The following DOCK4 variants were observed in gnomAD, a reference collection of about 807,000 sequenced individuals.
DOCK4 encodes the protein dedicator of cytokinesis 4.
A neutral mutation model predicts 268.1 loss-of-function variants in DOCK4; 97 were observed. That is an observed-to-expected ratio of 0.36 (90% CI 0.31 to 0.43). The LOEUF (loss-of-function observed/expected upper bound fraction) is 0.43, where lower values mean the gene tolerates loss of function less well. DOCK4 is among the 20% of genes least tolerant of loss of function. DOCK4 has a pLI of 1.00. For missense variants in DOCK4, 2,145 were observed against 2,455.7 expected, an observed-to-expected ratio of 0.87 and a Z score of 2.67; for synonymous variants, 954 against 887.2, an observed-to-expected ratio of 1.08 and a Z score of -1.34.
In DOCK4 at chr7:112,206,029, G is replaced by T. The variant is rs1024630955; in HGVS notation, c.37+73C>A. The T allele has an allele frequency of 2.3e-5, 34 of 1,497,710 alleles. 1 individual carries two copies. The highest frequency in any genetic ancestry group is 3.4e-4 in the Middle Eastern group (2 of 5,896). 92.8% of individuals were successfully genotyped at this position (1,497,710 alleles called of 1,614,324 possible). The stretch of plus-strand genomic sequence containing the variant: ...TTCAACCGGGCGGAGCGAGAGGGGC[G>T]CGGGGGCAAGGACGAGAAATGCGCA... On this transcript the variant is annotated intron_variant, in intron 1 of 52. Transcript: ENST00000428084.
intron 25 of DOCK4, among the ~76,000 whole-genome samples, chr7:111,844,148 A>G (rs1803907661): frequency 6.6e-6 from 1 of 152,126 alleles, no homozygotes; most frequent in Admixed American, 6.6e-5. Context: ...GGTGGCGGGC[A>G]TCTGTAATCC....
intron 17 of DOCK4, among the ~76,000 whole-genome samples, chr7:111,874,976 A>G (rs1272618841): frequency 6.6e-6 from 1 of 152,222 alleles, no homozygotes; most frequent in Non-Finnish European, 1.5e-5. Flanking sequence ...CGTCAAGAAA[A>G]ATGAATACAT....
intron 12 of DOCK4, among the ~76,000 whole-genome samples, chr7:111,925,517 G>A (rs1209039618): frequency 6.6e-6 from 1 of 152,198 alleles, no homozygotes; most frequent in Non-Finnish European, 1.5e-5. Context: ...GTGTACAAAT[G>A]AGCCAGGTTA....
In DOCK4 at chr7:111,935,487, A is replaced by C. The variant is rs778978766; in HGVS notation, c.1066+53T>G. On this transcript the variant is annotated intron_variant, in intron 12 of 52. Coordinates refer to ENST00000428084, the MANE Select transcript of DOCK4 (RefSeq NM_001363540.2). ...TTCCTTCCCAAACAGACAAACAAAA[A>C]AAAGGGCTTGGAACGAAAAGTGTAG... is the stretch of plus-strand genomic sequence containing the variant. The C allele has an allele frequency of 2.1e-5, 32 of 1,526,192 alleles. 1 individual carries two copies. The South Asian group carries it at 3.6e-4, about 17-fold the overall frequency. 94.5% of individuals were successfully genotyped at this position (1,526,192 alleles called of 1,614,324 possible).
rs1172905886 is a variant in DOCK4 at position 111,878,762 on chromosome 7, AG to A, written c.1588-1577del. Among the ~76,000 whole-genome samples, 3 of 152,166 alleles carry A rather than the reference AG, an allele frequency of 2.0e-5. No homozygotes were observed. In the East Asian group the frequency reaches 5.8e-4, roughly 29 times the overall value. On this transcript the variant is annotated intron_variant, in intron 16 of 52. Coordinates refer to ENST00000428084, the MANE Select transcript of DOCK4 (RefSeq NM_001363540.2). ...CTGGGCTCACAGTGGCCATGCAAGG[AG>A]GGAGCATTGAGACCAGCCCTAGCCA...
intron 8 of DOCK4, among the ~76,000 whole-genome samples, chr7:111,954,473 A>G (rs972670148): frequency 6.6e-6 from 1 of 152,194 alleles, no homozygotes; most frequent in African/African-American, 2.4e-5. Context: ...CTTCTAATTC[A>G]GTGGTTCCCA....
intron 24 of DOCK4, among the ~76,000 whole-genome samples, chr7:111,846,293 A>T (rs1804095062): frequency 6.6e-6 from 1 of 152,226 alleles, no homozygotes. Context: ...CAAAATGGTT[A>T]ACAGTTGCAT....
Position 111,818,506 on chromosome 7 carries a change from C to A in DOCK4, c.2930+3856G>T, listed in dbSNP as rs564794572. Among the ~76,000 whole-genome samples, 7 of 152,328 alleles carry A rather than the reference C, an allele frequency of 4.6e-5. No individual in the cohort carries two copies. In the South Asian group the frequency reaches 1.2e-3, roughly 27 times the overall value. ...TTCCGTTACTTTTCTTCTCTCCCAC[C>A]CACACCCAGTCACTTGCAAGTCTTA... On this transcript the variant is annotated intron_variant, in intron 27 of 52. Transcript: ENST00000428084.
intron 1 of DOCK4, among the ~76,000 whole-genome samples, chr7:112,107,388 A>C (rs1811228742): frequency 6.6e-6 from 1 of 152,230 alleles, no homozygotes. Flanking sequence ...AGGAAAAGAC[A>C]CTAGGGAGGA....
intron 1 of DOCK4, among the ~76,000 whole-genome samples, chr7:112,039,893 T>G (rs1804202717): frequency 6.6e-6 from 1 of 152,154 alleles, no homozygotes; most frequent in Non-Finnish European, 1.5e-5. Flanking sequence ...ACCTCTATAC[T>G]CGTGCTTGGC....
chr7:111,836,757 G>A (rs796794594), intron 25 of DOCK4, among the ~76,000 whole-genome samples: 1 of 152,048 alleles, frequency 6.6e-6, no homozygotes. Context: ...TGAATGGGTC[G>A]AGTGGCAGAT....
intron 12 of DOCK4, among the ~76,000 whole-genome samples, chr7:111,922,376 G>T (rs895127657): frequency 6.6e-6 from 1 of 151,708 alleles, no homozygotes; most frequent in Admixed American, 6.6e-5. Flanking sequence ...TTCTTTAAAT[G>T]TGTAACATAA....
chr7:111,831,389 C>T (rs1208150175), intron 26 of DOCK4, among the ~76,000 whole-genome samples: 1 of 152,186 alleles, frequency 6.6e-6, no homozygotes, highest in East Asian at 1.9e-4. Flanking sequence ...CTTCAAGCCA[C>T]AGTCATTTCT....
At chr7:111,885,153 G>T (rs1807729068) in intron 16 of DOCK4, among the ~76,000 whole-genome samples, 1 of 152,214 alleles carries the variant, frequency 6.6e-6, no homozygotes, top group Non-Finnish European at 1.5e-5. Flanking sequence ...AATATTAAGT[G>T]CAACAGAATA....
At chr7:111,761,287 T>A (rs1797389456) in intron 39 of DOCK4, among the ~76,000 whole-genome samples, 1 of 152,210 alleles carries the variant, frequency 6.6e-6, no homozygotes, top group African/African-American at 2.4e-5. Flanking sequence ...CTTGAACTCC[T>A]GGCCTCAGGT....
At chr7:111,819,559 C>G (rs1269257499) in intron 27 of DOCK4, 3 of 152,192 alleles carry the variant, frequency 2.0e-5, no homozygotes, top group African/African-American at 7.2e-5. Flanking sequence ...CCATACAAAT[C>G]ACCAGGTGTC....
intron 22 of DOCK4, 92 bp from the exon 23 acceptor site, chr7:111,863,656 G>T: frequency 7.8e-7 from 1 of 1,279,356 alleles, no homozygotes; most frequent in Non-Finnish European, 1.1e-6. Context: ...CGTGGCAAGT[G>T]TTTTTGAATG....
At chr7:111,790,391 G>C in intron 31 of DOCK4, 66 bp downstream of exon 31, 2 of 1,567,528 alleles carry the variant, frequency 1.3e-6, no homozygotes, top group South Asian at 2.4e-5. Flanking sequence ...GTTGAATCCA[G>C]AAGTTCACAG....
In DOCK4 at chr7:111,853,464, T is replaced by A. The variant is rs554282197; in HGVS notation, c.2474-6338A>T. Among the ~76,000 whole-genome samples, 5 of 152,320 alleles carry A rather than the reference T, an allele frequency of 3.3e-5. No homozygotes were observed. In the East Asian group the frequency reaches 7.7e-4, roughly 24 times the overall value. On this transcript the variant is annotated intron_variant, in intron 23 of 52. Transcript: ENST00000428084. ...TGACATCAGAGCTGGGATGGGCCTCTGTGATCAAAGCCACCAGGAATTGAA... is the reference window on the plus strand; with the variant it reads ...TGACATCAGAGCTGGGATGGGCCTCAGTGATCAAAGCCACCAGGAATTGAA...
Sources: gnomAD v4.1 joint callset for allele counts (sites outside exome capture counted in the v4.1 genomes callset) on GRCh38, gnomAD v4.1.1 for gene constraint, MANE v1.5 for transcripts, NCBI Gene and HGNC (gene_info 2026-07-23, HGNC 2026-07-21) for gene names.